The following HEXB variants were observed in gnomAD, a reference collection of about 807,000 sequenced individuals.
HEXB encodes hexosaminidase subunit beta, also known as beta-hexosaminidase subunit beta.
A neutral mutation model predicts 71.2 loss-of-function variants in HEXB; 51 were observed. The ratio of observed to expected loss-of-function variants is 0.72; its 90% CI spans 0.57 to 0.90. The LOEUF is 0.90. HEXB is among the 40% of genes least tolerant of loss of function. The pLI is 0.00. For missense variants in HEXB, 617 were observed against 677.0 expected, an observed-to-expected ratio of 0.91 and a Z score of 0.98; for synonymous variants, 266 against 249.3, an observed-to-expected ratio of 1.07 and a Z score of -0.63.
chr5:74,679,730 G>A (rs955517866), intron 1 of HEXB, among the ~76,000 whole-genome samples: 2 of 146,368 alleles, frequency 1.4e-5, no homozygotes, highest in African/African-American at 5.0e-5. Flanking sequence ...AACCCGGGAG[G>A]CAGAGGTTGC....
At chr5:74,684,063 C>T (rs915905391), upstream of HEXB, among the ~76,000 whole-genome samples, 1 of 152,154 alleles carries the variant, frequency 6.6e-6, no homozygotes, top group Non-Finnish European at 1.5e-5. Flanking sequence ...TTGTGATCCG[C>T]CCTCCTTCGC....
rs1395363742 is a variant in HEXB at position 74,641,584 on chromosome 5, TCTC to T, written c.-377+1029_-377+1031del. ...CCTAGCGATTAAGCCTCCATCACCT[TCTC>T]CTGTTTTTTATCGCTCGGTGGTGTT... On this transcript the variant is annotated intron_variant, in intron 1 of 13. Coordinates refer to the HEXB transcript ENST00000511181. This position sits in a 1 kb window ranked among gnomAD's most constrained non-coding sequence, Gnocchi z 4.1. Among the ~76,000 whole-genome samples the T allele has an allele frequency of 1.3e-5, 2 of 150,766 alleles. No individual in the cohort carries two copies. The highest frequency in any genetic ancestry group is 2.9e-5 in the Non-Finnish European group (2 of 68,002).
chr5:74,668,052 GC>G (rs1416507887), intron 1 of HEXB, among the ~76,000 whole-genome samples: 1 of 152,190 alleles, frequency 6.6e-6, no homozygotes, highest in African/African-American at 2.4e-5. Flanking sequence ...AAGTGACAGA[GC>G]CTGGCTCTTC....
chr5:74,703,956 G>A (rs1749320787), intron 5 of HEXB, among the ~76,000 whole-genome samples: 1 of 152,210 alleles, frequency 6.6e-6, no homozygotes, highest in Non-Finnish European at 1.5e-5. Flanking sequence ...TGGGGTTACA[G>A]ATGTGAGCCA....
chr5:74,670,553 T>C (rs1748515144), intron 1 of HEXB, among the ~76,000 whole-genome samples: 1 of 152,106 alleles, frequency 6.6e-6, no homozygotes, highest in African/African-American at 2.4e-5. Flanking sequence ...AGCTGCCTCA[T>C]GTAACAGGAA....
intron 3 of HEXB, among the ~76,000 whole-genome samples, chr5:74,695,931 G>GTACATT (rs1291032080): frequency 6.6e-6 from 1 of 151,684 alleles, no homozygotes; most frequent in East Asian, 1.9e-4. Context: ...TTTACCATCA[G>GTACATT]ACTTTCAGAG....
intron 1 of HEXB, among the ~76,000 whole-genome samples, chr5:74,678,413 C>T (rs953569397): frequency 6.6e-6 from 1 of 151,806 alleles, no homozygotes; most frequent in Non-Finnish European, 1.5e-5. Flanking sequence ...AATAAAGAGC[C>T]TCATCAGAAC....
intron 1 of HEXB, among the ~76,000 whole-genome samples, chr5:74,670,630 G>T (rs1055251638): frequency 1.3e-5 from 2 of 152,206 alleles, no homozygotes; most frequent in Non-Finnish European, 2.9e-5. Flanking sequence ...TAACAGAACT[G>T]TTAACATGCT....
At chr5:74,707,073 G>A (rs574518984) in intron 6 of HEXB, among the ~76,000 whole-genome samples, 190 of 152,336 alleles carry the variant, frequency 1.2e-3, no homozygotes, top group Non-Finnish European at 1.8e-3. Flanking sequence ...TCACACAGCC[G>A]GGTATTCCTC....
rs17561000 is a variant in HEXB at position 74,713,502 on chromosome 5, A to G, written c.772-4A>G. ...TTTAACTTGAATAAATATGGCTTTT[A>G]CAGGGAAGCTATTCTTTGTCTCATG... On this transcript the variant is annotated splice_region_variant and splice_polypyrimidine_tract_variant and intron_variant, in intron 6 of 13. Coordinates refer to ENST00000261416, the MANE Select transcript of HEXB (RefSeq NM_000521.4). The G allele has an allele frequency of 0.083, 134,159 of 1,607,770 alleles. 6,249 individuals are homozygous for G. The highest frequency in any genetic ancestry group is 0.093 in the Non-Finnish European group (109,243 of 1,174,218).
chr5:74,655,233 G>A (rs915809027), intron 1 of HEXB, among the ~76,000 whole-genome samples: 1 of 151,834 alleles, frequency 6.6e-6, no homozygotes, highest in Non-Finnish European at 1.5e-5. Flanking sequence ...AAAGGGCAGC[G>A]ATAAGAACAT....
At chr5:74,702,140 G>A (rs999687472) in intron 5 of HEXB, among the ~76,000 whole-genome samples, 2 of 131,192 alleles carry the variant, frequency 1.5e-5, no homozygotes, top group Middle Eastern at 3.7e-3. Context: ...GTGCAGTGGC[G>A]GGATCTCGGC....
chr5:74,677,681 A>G (rs904317851), intron 1 of HEXB, among the ~76,000 whole-genome samples: 2 of 151,352 alleles, frequency 1.3e-5, no homozygotes, highest in African/African-American at 4.9e-5. Flanking sequence ...AACTACCTCA[A>G]ATTAAGTCTT....
chr5:74,696,668 A>C, intron 3 of HEXB, 25 bp from the exon 4 acceptor site: 1 of 1,201,274 alleles, frequency 8.3e-7, no homozygotes, highest in Non-Finnish European at 1.2e-6. Flanking sequence ...TTATAAATTA[A>C]TGCAATAAAT....
chr5:74,689,046 T>C (rs779152397), intron 1 of HEXB, among the ~76,000 whole-genome samples: 1 of 141,810 alleles, frequency 7.1e-6, no homozygotes, highest in Non-Finnish European at 1.5e-5. Flanking sequence ...CATTATTGGT[T>C]CTTAACGGGG....
chr5:74,696,874 C>T, intron 4 of HEXB, 122 bp from the exon 5 acceptor site: 1 of 765,048 alleles, frequency 1.3e-6, no homozygotes, highest in Non-Finnish European at 2.3e-6. Context: ...ATGTAAATTT[C>T]ATACATTTTT....
chr5:74,643,503 C>T (rs1418730555), intron 1 of HEXB, among the ~76,000 whole-genome samples: 3 of 152,200 alleles, frequency 2.0e-5, no homozygotes, highest in Non-Finnish European at 4.4e-5. Context: ...TTAGGCCAGT[C>T]CTGTAGGCCC....
chr5:74,657,500 C>A (rs1380967240), intron 1 of HEXB, among the ~76,000 whole-genome samples: 1 of 152,206 alleles, frequency 6.6e-6, no homozygotes, highest in Non-Finnish European at 1.5e-5. Context: ...TCCTTCGGAG[C>A]ACTTATCACC....
chr5:74,719,732 AG>A (rs1749772625), intron 11 of HEXB, among the ~76,000 whole-genome samples: 3 of 152,158 alleles, frequency 2.0e-5, no homozygotes, highest in African/African-American at 7.2e-5. Flanking sequence ...TCATGAGGTC[AG>A]GAGTTCAAGA....
Sources: gnomAD v4.1 joint callset for allele counts (sites outside exome capture counted in the v4.1 genomes callset) on GRCh38, gnomAD v4.1.1 for gene constraint, Gnocchi (gnomAD v3.1) non-coding constraint, MANE v1.5 for transcripts, NCBI Gene and HGNC (gene_info 2026-07-23, HGNC 2026-07-21) for gene names.